Variants in ABCA1 observed in about 807,000 individuals in gnomAD.
ABCA1 encodes phospholipid-transporting ATPase ABCA1.
Under a neutral mutation model 262.5 loss-of-function variants are expected in ABCA1, and 133 were observed. That is an observed-to-expected ratio of 0.51 (90% CI 0.44 to 0.59). The LOEUF is 0.59. ABCA1 is among the 20% of genes least tolerant of loss of function. The pLI is 0.00. For synonymous variants in ABCA1, 1,022 were observed against 1,043.5 expected (o/e 0.98, Z 0.40); for missense variants, 2,452 against 2,777.5 (o/e 0.88, Z 2.63).
intron 4 of ABCA1, 137 bp from the exon 5 acceptor site, chr9:104,883,294 T>C: frequency 1.3e-6 from 1 of 754,462 alleles, no homozygotes; most frequent in Non-Finnish European, 2.4e-6. Flanking sequence ...CCCACTCCCA[T>C]GGCTCCCCAC....
Position 104,782,928 on chromosome 9 carries a change from G to GT in ABCA1, c.*1386dup, listed in dbSNP as rs1238701025. On this transcript the variant is annotated 3_prime_UTR_variant, in exon 50 of 50. Transcript: ENST00000374736. ...CAAGACAACCTATATTTGTAAACCA[G>GT]TGAGCTGAATAACATGGCACAGGAA... 1.3e-5 allele frequency: 2 copies of GT among 151,946 alleles called. No homozygotes were observed. Among genetic ancestry groups the GT allele is most frequent in the Non-Finnish European group, 2.9e-5 (2 of 68,000 alleles). 9.4% of individuals were successfully genotyped at this position (151,946 alleles called of 1,614,324 possible).
intron 5 of ABCA1, among the ~76,000 whole-genome samples, chr9:104,863,471 T>C (rs773664479): frequency 5.3e-5 from 8 of 152,122 alleles, no homozygotes; most frequent in Non-Finnish European, 1.2e-4. Context: ...ACAGGTTTGA[T>C]CTGAAAATGG....
At chr9:104,913,648 C>T (rs1188157652) in intron 1 of ABCA1, among the ~76,000 whole-genome samples, 2 of 152,136 alleles carry the variant, frequency 1.3e-5, no homozygotes, top group Non-Finnish European at 1.5e-5. Context: ...ATCCTGTTGC[C>T]ACTTCTGACC....
At chr9:104,784,572 A>G in intron 49 of ABCA1, 117 bp from the exon 50 acceptor site, 1 of 1,214,854 alleles carries the variant, frequency 8.2e-7, no homozygotes, top group South Asian at 1.3e-5. Flanking sequence ...AGAATTACAT[A>G]AATGGATTAA....
At chr9:104,864,234 C>A (rs1166633694) in intron 5 of ABCA1, among the ~76,000 whole-genome samples, 5 of 152,112 alleles carry the variant, frequency 3.3e-5, no homozygotes, top group African/African-American at 1.2e-4. Context: ...ATCTGAGTAC[C>A]ATCATAGGAG....
chr9:104,872,997 A>C, intron 5 of ABCA1, among the ~76,000 whole-genome samples: 2 of 149,790 alleles, frequency 1.3e-5, no homozygotes, highest in Admixed American at 6.7e-5. Context: ...GTTGCTCCCC[A>C]CCCCCACCTG....
chr9:104,844,925 C>G (rs1308551653), intron 8 of ABCA1, among the ~76,000 whole-genome samples: 2 of 152,220 alleles, frequency 1.3e-5, no homozygotes, highest in Non-Finnish European at 2.9e-5. Context: ...ACAGAGATTA[C>G]TCTGATACAT....
At chr9:104,872,652 C>T (rs1837727682) in intron 5 of ABCA1, among the ~76,000 whole-genome samples, 1 of 152,184 alleles carries the variant, frequency 6.6e-6, no homozygotes, top group South Asian at 2.1e-4. Flanking sequence ...GCAACTTAGT[C>T]TGTTGAATAG....
intron 2 of ABCA1, among the ~76,000 whole-genome samples, chr9:104,892,910 T>C (rs2118356988): frequency 6.6e-6 from 1 of 152,318 alleles, no homozygotes; most frequent in East Asian, 1.9e-4. Flanking sequence ...AGGGAAATGA[T>C]TCAATTATGG....
intron 1 of ABCA1, among the ~76,000 whole-genome samples, chr9:104,904,969 T>A (rs2118443111): frequency 6.6e-6 from 1 of 152,266 alleles, no homozygotes; most frequent in South Asian, 2.1e-4. Flanking sequence ...CAGCCACCCA[T>A]CCAGCAGTTA....
chr9:104,901,429 A>G (rs953107258), intron 2 of ABCA1, among the ~76,000 whole-genome samples: 1 of 152,158 alleles, frequency 6.6e-6, no homozygotes, highest in African/African-American at 2.4e-5. Context: ...CCAACATGAT[A>G]TGATTCTTCC....
At chr9:104,790,844 C>A (rs1829362990) in intron 44 of ABCA1, 78 bp downstream of exon 44, 5 of 1,046,722 alleles carry the variant, frequency 4.8e-6, no homozygotes, top group South Asian at 2.6e-5. Flanking sequence ...CCACTGTAAT[C>A]AAAAATAACA....
At chr9:104,784,593 G>A in intron 49 of ABCA1, 138 bp from the exon 50 acceptor site, 1 of 1,023,338 alleles carries the variant, frequency 9.8e-7, no homozygotes, top group Non-Finnish European at 1.5e-6. Context: ...CTAGAAAACT[G>A]TGTGTGAAGG....
rs1656744060 is a variant in ABCA1 at position 104,794,440 on chromosome 9, C to T, written c.5453G>A (p.Gly1818Glu). 1.9e-6 allele frequency: 3 copies of T among 1,613,290 alleles called. No individual in the cohort carries two copies. The highest frequency in any genetic ancestry group is 2.5e-6 in the Non-Finnish European group (3 of 1,179,910). The part of the protein sequence containing the change: ...LIFPHFCLGR[G>E]LIDMVKNQAM... The stretch of plus-strand genomic sequence containing the variant: ...CTGGTTTTTCACCATGTCGATGAGC[C>T]CTCGTCCCAGGCAAAAATGTGGGAA... The change falls in exon 40 of 50, where the codon GGG (glycine) becomes GAG (glutamate). Residue 1818 changes from glycine (G) to glutamate (E), a missense_variant. Around this residue, in one of 4 missense-constraint regions of ABCA1, gnomAD observed 752 missense variants for 944.5 expected, o/e 0.80. Coordinates refer to ENST00000374736, the MANE Select transcript of ABCA1 (RefSeq NM_005502.4).
At position 104,814,336 on chromosome 9, in the gene ABCA1, C is replaced by T. The variant is rs1203082685; in HGVS notation, c.3787+91G>A. The T allele has an allele frequency of 3.2e-6, 5 of 1,564,416 alleles. No individual in the cohort carries two copies. The East Asian group carries it at 9.0e-5, about 28-fold the overall frequency. Reference sequence around the variant, plus strand: ...CTCTACAAATGAGAATGCAATAGAACAATTCAAAGGGAAAGGAACAATACT... The same window carrying T: ...CTCTACAAATGAGAATGCAATAGAATAATTCAAAGGGAAAGGAACAATACT... On this transcript the variant is annotated intron_variant, in intron 26 of 49. Transcript: ENST00000374736.
intron 30 of ABCA1, among the ~76,000 whole-genome samples, chr9:104,809,113 T>C (rs1831046879): frequency 1.3e-5 from 2 of 152,154 alleles, no homozygotes; most frequent in Admixed American, 1.3e-4. Flanking sequence ...AAAAATCATA[T>C]ATAATGAGAG....
At chr9:104,891,757 G>A (rs2118348711) in intron 2 of ABCA1, among the ~76,000 whole-genome samples, 1 of 151,504 alleles carries the variant, frequency 6.6e-6, no homozygotes, top group Middle Eastern at 3.4e-3. Context: ...CCTGAGGTCA[G>A]GAGTTTGAGA....
chr9:104,796,086 C>T lies in ABCA1; in HGVS notation c.5349G>A (p.Val1783=), dbSNP rs1829873576. Residue 1783 remains valine (V), a synonymous_variant, in exon 39 of 50, where the codon GTG becomes GTA. Coordinates refer to ENST00000374736, the MANE Select transcript of ABCA1 (RefSeq NM_005502.4). ...TGAACAGCTCCAGCACAAAGGTGGC[C>T]ACGCTGCCATTAATGCCAATGAAGA... ...VNLFIGINGS[V]ATFVLELFTD... The T allele has an allele frequency of 6.2e-7, 1 of 1,613,156 alleles. No individual in the cohort carries two copies. The highest frequency in any genetic ancestry group is 8.5e-7 in the Non-Finnish European group (1 of 1,180,002).
At chr9:104,921,935 A>G (rs1842157791) in intron 1 of ABCA1, among the ~76,000 whole-genome samples, 1 of 152,226 alleles carries the variant, frequency 6.6e-6, no homozygotes, top group African/African-American at 2.4e-5. Context: ...ATGGAAGTAA[A>G]GAGAAGGGGA....
Sources: gnomAD v4.1 joint callset for allele counts (sites outside exome capture counted in the v4.1 genomes callset) on GRCh38, gnomAD v4.1.1 for gene constraint, gnomAD v4.1.1 regional missense constraint, MANE v1.5 for transcripts, NCBI Gene and HGNC (gene_info 2026-07-23, HGNC 2026-07-21) for gene names.